The following SPDL1 variants were observed in gnomAD, a reference collection of about 807,000 sequenced individuals.
SPDL1 encodes the protein protein Spindly.
SPDL1 carries 85 observed loss-of-function variants against 79.5 expected under a neutral mutation model. The ratio of observed to expected loss-of-function variants is 1.07; its 90% CI spans 0.90 to 1.28. SPDL1 has a LOEUF of 1.28. Among genes scored for constraint, SPDL1 ranks in the 50% most tolerant of loss-of-function variants. The pLI is 0.00. For synonymous variants in SPDL1, 269 were observed against 240.3 expected (o/e 1.12, Z -1.10); for missense variants, 703 against 697.8 (o/e 1.01, Z -0.08).
Position 169,601,307 on chromosome 5 carries a change from AG to A in SPDL1, c.1353del (p.Arg452GlyfsTer9). On this transcript the variant is annotated frameshift_variant, in exon 11 of 12. Transcript: ENST00000265295. LOFTEE classifies it high-confidence loss of function. ...ACAGTTGAAGTGCCTGTACTGAAAA[AG>A]AGGCGTGAGGTGCTCCCTGTGGATA... ...EETVEVPVLK[K>X]RREVLPVDIT... The A allele has an allele frequency of 1.2e-6, 2 of 1,610,974 alleles. No homozygotes were observed. The highest frequency in any genetic ancestry group is 1.7e-6 in the Non-Finnish European group (2 of 1,179,046).
At chr5:169,592,127 A>G (rs1755317979) in intron 3 of SPDL1, among the ~76,000 whole-genome samples, 2 of 151,652 alleles carry the variant, frequency 1.3e-5, no homozygotes, top group South Asian at 4.2e-4. Context: ...TTTTCTGTAT[A>G]CCACCTATAC....
rs762611106 is a variant in SPDL1 at position 169,598,923 on chromosome 5, AT to A, written c.1137-47del. On this transcript the variant is annotated intron_variant, in intron 9 of 11. Coordinates refer to ENST00000265295, the MANE Select transcript of SPDL1 (RefSeq NM_017785.5). Reference sequence around the variant, plus strand: ...ATGAAATATTTATACCACTACACTTATTATATGCTGTCTTAATACTCGTTGG... The same window carrying A: ...ATGAAATATTTATACCACTACACTTATATATGCTGTCTTAATACTCGTTGG... 5 of 1,496,044 alleles carry A rather than the reference AT, an allele frequency of 3.3e-6. No homozygotes were observed. The East Asian group carries it at 1.2e-4, about 35-fold the overall frequency. The allele number at this position is 1,496,044 out of a possible 1,614,324, so 92.7% of individuals were successfully genotyped here. A position where few individuals can be genotyped will look rare whatever the true frequency, so the allele number is the denominator to read the frequency against.
intron 7 of SPDL1, chr5:169,595,439 T>A (rs1755539403): frequency 6.6e-6 from 1 of 152,230 alleles, no homozygotes; most frequent in Non-Finnish European, 1.5e-5. Context: ...CTCTGTGACC[T>A]TGGACAAGTA....
At chr5:169,587,558 A>G (rs998051539) in intron 1 of SPDL1, among the ~76,000 whole-genome samples, 1 of 152,228 alleles carries the variant, frequency 6.6e-6, no homozygotes, top group Admixed American at 6.5e-5. Flanking sequence ...AATAACTAGA[A>G]AAATACTAGT....
At chr5:169,597,976 A>G (rs1755677605) in intron 8 of SPDL1, among the ~76,000 whole-genome samples, 1 of 152,094 alleles carries the variant, frequency 6.6e-6, no homozygotes, top group African/African-American at 2.4e-5. Context: ...CTATCCCACT[A>G]GAGAAATGTA....
chr5:169,603,222 T>C (rs1756027033), intron 11 of SPDL1, among the ~76,000 whole-genome samples: 1 of 152,198 alleles, frequency 6.6e-6, no homozygotes, highest in South Asian at 2.1e-4. Context: ...ACAATAAATA[T>C]GGCTTTTATT....
chr5:169,601,070 A>G (rs567119912), intron 10 of SPDL1, among the ~76,000 whole-genome samples: 5 of 152,230 alleles, frequency 3.3e-5, no homozygotes, highest in African/African-American at 9.6e-5. Context: ...AAGGAAAAAT[A>G]TATAGCCAAA....
At chr5:169,591,586 A>C (rs571697146) in intron 3 of SPDL1, among the ~76,000 whole-genome samples, 1 of 152,330 alleles carries the variant, frequency 6.6e-6, no homozygotes, top group East Asian at 1.9e-4. Flanking sequence ...TCTGTAAAAC[A>C]GACCAGTAGT....
At chr5:169,594,123 C>T in intron 4 of SPDL1, 22 bp from the exon 5 acceptor site, 1 of 1,575,514 alleles carries the variant, frequency 6.3e-7, no homozygotes, top group Non-Finnish European at 8.6e-7. Flanking sequence ...GAATTTCCTC[C>T]TTTTCAATTC....
intron 2 of SPDL1, among the ~76,000 whole-genome samples, chr5:169,589,845 G>A (rs537140922): frequency 9.2e-5 from 14 of 152,152 alleles, no homozygotes; most frequent in African/African-American, 3.1e-4. Context: ...CGGGGTTACA[G>A]ATGTGTGCCA....
chr5:169,593,630 A>G, intron 4 of SPDL1, 82 bp downstream of exon 4: 2 of 1,385,230 alleles, frequency 1.4e-6, no homozygotes, highest in Non-Finnish European at 1.9e-6. Context: ...ATAATTCTTA[A>G]GAGCTAGTTT....
chr5:169,585,680 T>G (rs1220779168), intron 1 of SPDL1, among the ~76,000 whole-genome samples: 1 of 152,240 alleles, frequency 6.6e-6, no homozygotes, highest in Non-Finnish European at 1.5e-5. Context: ...GAAAAGGTCT[T>G]GCATTTTAGA....
chr5:169,591,049 G>A lies in SPDL1; in HGVS notation c.161G>A (p.Ser54Asn). The change falls in exon 3 of 12, where the codon AGT (serine) becomes AAT (asparagine). Residue 54 changes from serine to asparagine, a missense_variant and splice_region_variant. By Grantham distance (46) the Ser-to-Asn change is conservative (BLOSUM62 1). Transcript: ENST00000265295. ...AATTGTAATTGAATCTGTTTTCAGA[G>A]TTATGAACAAGAAAAATATACCCTT... ...CRNEMMTMTE[S>N]YEQEKYTLQR... The A allele has an allele frequency of 6.2e-7, 1 of 1,611,142 alleles. No homozygotes were observed. The highest frequency in any genetic ancestry group is 1.1e-5 in the South Asian group (1 of 90,642).
chr5:169,591,357 A>G lies in SPDL1; in HGVS notation c.336+133A>G, dbSNP rs537889859. 1.2e-5 allele frequency: 10 copies of G among 820,272 alleles called. No homozygotes were observed. The East Asian group carries it at 2.7e-4, about 22-fold the overall frequency. 50.8% of individuals were successfully genotyped at this position (820,272 alleles called of 1,614,324 possible). On this transcript the variant is annotated intron_variant, in intron 3 of 11. Coordinates refer to ENST00000265295, the MANE Select transcript of SPDL1 (RefSeq NM_017785.5). ...AGATCTAAGTCTTCATTATCTTAAT[A>G]TTGGGGGTGGGAACACTGAGATACA...
At chr5:169,589,077 CTTTATATACCAAAG>C (rs955475910) in intron 2 of SPDL1, among the ~76,000 whole-genome samples, 5 of 152,084 alleles carry the variant, frequency 3.3e-5, no homozygotes, top group African/African-American at 1.2e-4. Flanking sequence ...CACCAAAAAT[CTTTATATACCAAAG>C]ATTTTTGGTA....
chr5:169,604,258 G>C lies in SPDL1; in HGVS notation c.*51G>C, dbSNP rs759339463. The C allele has an allele frequency of 6.8e-7, 1 of 1,461,530 alleles. No homozygotes were observed. Among genetic ancestry groups the C allele is most frequent in the Non-Finnish European group, 9.1e-7 (1 of 1,096,322 alleles). 90.5% of individuals were successfully genotyped at this position (1,461,530 alleles called of 1,614,324 possible). A position where few individuals can be genotyped will look rare whatever the true frequency, so the allele number is the denominator to read the frequency against. Reference sequence around the variant, plus strand: ...TGCCACTTGCCTCAAAAGTTACTATGGTGCTTAAGATTGTCTTGATCTGAC... The same window carrying C: ...TGCCACTTGCCTCAAAAGTTACTATCGTGCTTAAGATTGTCTTGATCTGAC... On this transcript the variant is annotated 3_prime_UTR_variant, in exon 12 of 12. Coordinates refer to ENST00000265295, the MANE Select transcript of SPDL1 (RefSeq NM_017785.5).
intron 1 of SPDL1, among the ~76,000 whole-genome samples, chr5:169,584,692 A>G (rs1754890907): frequency 6.6e-6 from 1 of 152,206 alleles, no homozygotes. Context: ...TTGCAGCACC[A>G]TGGTTTCTAG....
At chr5:169,591,362 G>T in intron 3 of SPDL1, 138 bp downstream of exon 3, 1 of 770,162 alleles carries the variant, frequency 1.3e-6, no homozygotes, top group East Asian at 2.7e-5. Context: ...TTAATATTGG[G>T]GGTGGGAACA....
chr5:169,593,304 T>G (rs771955441), intron 3 of SPDL1, 50 bp from the exon 4 acceptor site: 1 of 1,472,458 alleles, frequency 6.8e-7, no homozygotes, highest in South Asian at 1.4e-5. Flanking sequence ...GTGATTGTTT[T>G]TAGAAAGAAA....
Sources: gnomAD v4.1 joint callset for allele counts (sites outside exome capture counted in the v4.1 genomes callset) on GRCh38, gnomAD v4.1.1 for gene constraint, MANE v1.5 for transcripts, NCBI Gene and HGNC (gene_info 2026-07-23, HGNC 2026-07-21) for gene names.